Variants in DUSP15 observed in about 807,000 individuals in gnomAD.
DUSP15 encodes dual specificity phosphatase 15.
Under a neutral mutation model 26.3 loss-of-function variants are expected in DUSP15, and 23 were observed. The ratio of observed to expected loss-of-function variants is 0.87; its 90% CI spans 0.63 to 1.24. DUSP15 has a LOEUF of 1.24. Ranked by LOEUF, DUSP15 falls within the 50% of genes most tolerant of loss-of-function variation. DUSP15 has a pLI of 0.00. For missense variants in DUSP15, 364 were observed against 320.6 expected (o/e 1.14, Z -1.03); for synonymous variants, 143 against 135.5 (o/e 1.06, Z -0.39).
rs2062660285 is a variant in DUSP15 at position 31,861,677 on chromosome 20, T to TG, written c.436-3dup. On this transcript the variant is annotated splice_polypyrimidine_tract_variant and splice_region_variant and intron_variant, in intron 6 of 6. Transcript: ENST00000339738. ...GCGCTCCTCCAGCTGCCGGCGAAGC[T>TG]GGGGTGGGCGGGTGAGGTGGGCGGG... 2.7e-5 allele frequency: 8 copies of TG among 294,130 alleles called. No homozygotes were observed. The East Asian group carries it at 1.5e-3, about 56-fold the overall frequency. The allele number at this position is 294,130 out of a possible 1,614,324, so 18.2% of individuals were successfully genotyped here. A position where few individuals can be genotyped will look rare whatever the true frequency, so the allele number is the denominator to read the frequency against.
intron 6 of DUSP15, among the ~76,000 whole-genome samples, chr20:31,852,366 C>T (rs2062483773): frequency 6.6e-6 from 1 of 152,168 alleles, no homozygotes; most frequent in Non-Finnish European, 1.5e-5. Context: ...CCTAAATTGA[C>T]CAGCACATGA....
downstream of DUSP15, among the ~76,000 whole-genome samples, chr20:31,846,624 A>T (rs2062381544): frequency 6.6e-6 from 1 of 152,086 alleles, no homozygotes; most frequent in Non-Finnish European, 1.5e-5. Flanking sequence ...CCTTGGGGCC[A>T]CACCACTCCT....
Position 31,863,900 on chromosome 20 carries a change from A to G in DUSP15, c.263+7T>C. The G allele has an allele frequency of 7.5e-6, 12 of 1,603,642 alleles. No individual in the cohort carries two copies. Among genetic ancestry groups the G allele is most frequent in the Non-Finnish European group, 9.4e-6 (11 of 1,172,726 alleles). ...TCCCCCACCTTATCCCCCTCCGCTT[A>G]ACTCACCAGTGCACAAGGCAGTTCC... On this transcript the variant is annotated splice_region_variant and intron_variant, in intron 5 of 6. Transcript: ENST00000339738.
chr20:31,862,218 A>G (rs1442798906), intron 6 of DUSP15, among the ~76,000 whole-genome samples: 3 of 152,028 alleles, frequency 2.0e-5, no homozygotes, highest in Non-Finnish European at 4.4e-5. Context: ...TGGTCTCATC[A>G]AGGACACAGG....
At position 31,851,481 on chromosome 20, in the gene DUSP15, G is replaced by A. The variant is rs966793552; in HGVS notation, c.427-805C>T. Among the ~76,000 whole-genome samples the A allele has an allele frequency of 2.0e-4, 30 of 152,218 alleles. 1 individual carries two copies. Among genetic ancestry groups the A allele is most frequent in the African/African-American group, 7.0e-4 (29 of 41,518 alleles). On this transcript the variant is annotated intron_variant, in intron 6 of 9. Transcript: ENST00000278979. ...ACCCAAGGAGGACAAAGGAATGAAT[G>A]TGGAGAAGATGGGGTGGCTGCAGAC... is the stretch of plus-strand genomic sequence containing the variant.
chr20:31,864,272 C>T, intron 4 of DUSP15: 1 of 1,156,246 alleles, frequency 8.6e-7, no homozygotes. Flanking sequence ...TTTATTGTGG[C>T]CTTTCAGAGA....
intron 1 of DUSP15, chr20:31,869,982 C>T: frequency 7.4e-7 from 1 of 1,342,488 alleles, no homozygotes; most frequent in Non-Finnish European, 9.5e-7. Flanking sequence ...GAGAAACAGC[C>T]CCGGAGAGAG....
At chr20:31,853,243 A>G (rs1011856749) in intron 6 of DUSP15, among the ~76,000 whole-genome samples, 2 of 152,206 alleles carry the variant, frequency 1.3e-5, no homozygotes, top group Admixed American at 6.5e-5. Context: ...AGTTAAACAG[A>G]AATAACTATA....
intron 1 of DUSP15, 71 bp from the exon 2 acceptor site, chr20:31,869,668 G>T (rs2062873998): frequency 6.3e-7 from 1 of 1,584,584 alleles, no homozygotes; most frequent in African/African-American, 1.3e-5. Context: ...GCAGCTGGGG[G>T]GCCCACAGCC....
downstream of DUSP15, among the ~76,000 whole-genome samples, chr20:31,858,876 A>T (rs1336064061): frequency 6.6e-6 from 1 of 152,218 alleles, no homozygotes; most frequent in Non-Finnish European, 1.5e-5. The surrounding 1 kb of genome is among the most constrained non-coding windows in gnomAD (Gnocchi z 4.4). Context: ...CTGGGCAGGA[A>T]GCCCAGGAAA....
intron 5 of DUSP15, among the ~76,000 whole-genome samples, chr20:31,863,446 C>A (rs972268911): frequency 1.3e-5 from 2 of 152,270 alleles, no homozygotes; most frequent in African/African-American, 4.8e-5. Flanking sequence ...GATGGGCCTT[C>A]AGTGAGAAGT....
In DUSP15 at chr20:31,849,996, T is replaced by G. The variant is rs1395583481; in HGVS notation, c.492-122A>C. Reference sequence around the variant, plus strand: ...CGTCCCAGCCTCTACCTCGGAAATTTTGGGTGCTCTCTCCCTATCAGTGAT... The same window carrying G: ...CGTCCCAGCCTCTACCTCGGAAATTGTGGGTGCTCTCTCCCTATCAGTGAT... On this transcript the variant is annotated intron_variant, in intron 7 of 9. Coordinates refer to the DUSP15 transcript ENST00000278979. 5.7e-6 allele frequency: 7 copies of G among 1,227,116 alleles called. No homozygotes were observed. The South Asian group carries it at 1.1e-4, about 20-fold the overall frequency. The allele number at this position is 1,227,116 out of a possible 1,614,324, so 76.0% of individuals were successfully genotyped here. A position where few individuals can be genotyped will look rare whatever the true frequency, so the allele number is the denominator to read the frequency against.
Position 31,870,326 on chromosome 20 carries a change from G to A in DUSP15, c.12C>T (p.Gly4=). Reference sequence around the variant, plus strand: ...GGGGCCCGCCCCCTACCTTGGTCATGCCATTGCCCATGATCCCGGGGGCGG... The same window carrying A: ...GGGGCCCGCCCCCTACCTTGGTCATACCATTGCCCATGATCCCGGGGGCGG... MGN[G]MTKVLPGLYL... is the part of the protein sequence containing the mutation. Residue 4 remains glycine, a synonymous_variant, in exon 1 of 7, where the codon GGC becomes GGT. Transcript: ENST00000339738. This position sits in a 1 kb window ranked among gnomAD's most constrained non-coding sequence, Gnocchi z 6.6. The A allele has an allele frequency of 7.9e-7, 1 of 1,270,004 alleles. No individual in the cohort carries two copies. The highest frequency in any genetic ancestry group is 9.9e-7 in the Non-Finnish European group (1 of 1,008,658). 78.7% of individuals were successfully genotyped at this position (1,270,004 alleles called of 1,614,324 possible).
rs947310 is a variant in DUSP15, at chr20:31,861,522, C to A, written c.589G>T (p.Val197Leu). 1.3e-6 allele frequency: 2 copies of A among 1,521,494 alleles called. No individual in the cohort carries two copies. Among genetic ancestry groups the A allele is most frequent in the Non-Finnish European group, 1.7e-6 (2 of 1,142,950 alleles). 94.2% of individuals were successfully genotyped at this position (1,521,494 alleles called of 1,614,324 possible). Residue 197 changes from valine to leucine, a missense_variant, in exon 7 of 7, where the codon GTG becomes TTG. By Grantham distance (32) the Val-to-Leu change is conservative. Transcript: ENST00000339738. Reference sequence around the variant, plus strand: ...GGCGTGCGCGGCACCAGGCGCTGCACGGTTCCCTCGGAGGCTGCTGAGTGC... The same window carrying A: ...GGCGTGCGCGGCACCAGGCGCTGCAAGGTTCCCTCGGAGGCTGCTGAGTGC... ...GPHSAASEGT[V>L]QRLVPRTPRE... is the part of the protein sequence containing the mutation.
chr20:31,867,212 G>A (rs1027172825), intron 2 of DUSP15, 59 bp from the exon 3 acceptor site: 12 of 1,464,070 alleles, frequency 8.2e-6, no homozygotes, highest in African/African-American at 1.4e-5. Flanking sequence ...ATGGCCAAGT[G>A]CGGAGGGAGC....
rs748403803 is a variant in DUSP15, at chr20:31,867,030, C to T, written c.138+41G>A. 4 of 1,535,676 alleles carry T rather than the reference C, an allele frequency of 2.6e-6. No individual in the cohort carries two copies. The African/African-American group carries it at 5.5e-5, about 21-fold the overall frequency. ...GATATTTGATAAACAGGTCTGCACCCTCCCACCCCCGCATAGCCCTGGGAT... is the reference window on the plus strand; with the variant it reads ...GATATTTGATAAACAGGTCTGCACCTTCCCACCCCCGCATAGCCCTGGGAT... On this transcript the variant is annotated intron_variant, in intron 3 of 6. Coordinates refer to ENST00000339738, the MANE Select transcript of DUSP15 (RefSeq NM_080611.5).
chr20:31,857,679 T>C (rs540664990), downstream of DUSP15, among the ~76,000 whole-genome samples: 2 of 152,346 alleles, frequency 1.3e-5, no homozygotes, highest in South Asian at 4.1e-4. Context: ...CTGCAATACC[T>C]TCGCCTCTTC....
chr20:31,848,139 A>C (rs1474754585), exon 10 of DUSP15: 2 of 467,790 alleles, frequency 4.3e-6, no homozygotes, highest in Admixed American at 4.3e-5. Context: ...TGTCAGCAAG[A>C]GATGAAGTCT....
exon 7 of DUSP15, chr20:31,850,663 C>T: frequency 6.2e-7 from 1 of 1,611,654 alleles, no homozygotes; most frequent in East Asian, 2.2e-5. Flanking sequence ...TTTTGAGGTC[C>T]TATGTCTGGC....
Sources: allele counts gnomAD v4.1 joint callset (sites outside exome capture counted in the v4.1 genomes callset), GRCh38; gene constraint gnomAD v4.1.1; non-coding constraint Gnocchi (gnomAD v3.1); transcripts MANE v1.5; gene names NCBI Gene and HGNC (gene_info 2026-07-23, HGNC 2026-07-21).